Variants in CFAP43 observed in about 807,000 individuals in gnomAD.
The protein encoded by CFAP43 is cilia- and flagella-associated protein 43.
CFAP43 carries 155 observed loss-of-function variants against 218.9 expected under a neutral mutation model. That is an observed-to-expected ratio of 0.71 (90% CI 0.62 to 0.81). The LOEUF is 0.81. Among genes scored for constraint, CFAP43 ranks in the 30% least tolerant of loss-of-function variants. CFAP43 has a pLI of 0.00. For missense variants in CFAP43, 1,778 were observed against 1,954.3 expected, an observed-to-expected ratio of 0.91 and a Z score of 1.70; for synonymous variants, 645 against 681.3, an observed-to-expected ratio of 0.95 and a Z score of 0.83.
In CFAP43 at chr10:104,232,104, G is replaced by A. The variant is rs1389956740; in HGVS notation, c.65+78C>T. 3.3e-6 allele frequency: 5 copies of A among 1,502,136 alleles called. No individual in the cohort carries two copies. The East Asian group carries it at 7.4e-5, about 22-fold the overall frequency. The allele number at this position is 1,502,136 out of a possible 1,614,324, so 93.1% of individuals were successfully genotyped here. On this transcript the variant is annotated intron_variant, in intron 1 of 37. Coordinates refer to ENST00000357060, the MANE Select transcript of CFAP43 (RefSeq NM_025145.7). ...GGGAAAGCCGCCCTAAGGAACCGGAGGGAGAGGAGGGAGGAGGGGACTTGG... is the reference window on the plus strand; with the variant it reads ...GGGAAAGCCGCCCTAAGGAACCGGAAGGAGAGGAGGGAGGAGGGGACTTGG...
rs774530713 is a variant in CFAP43 at position 104,164,176 on chromosome 10, A to G, written c.3164T>C (p.Leu1055Pro). ...NVRIREIILD[L>P]ELEEAVWQPE... Reference sequence around the variant, plus strand: ...TTGCCAGACTGCTTCTTCCAATTCCAGATCTAAAATAATTTCTCGAATTCG... The same window carrying G: ...TTGCCAGACTGCTTCTTCCAATTCCGGATCTAAAATAATTTCTCGAATTCG... Residue 1055 changes from leucine (L) to proline (P), a missense_variant, in exon 24 of 38, where the codon CTG becomes CCG. This residue lies in a region of CFAP43 where 1,553 missense variants were observed against 1,685.2 expected (regional missense o/e 0.92). Coordinates refer to ENST00000357060, the MANE Select transcript of CFAP43 (RefSeq NM_025145.7). The G allele has an allele frequency of 6.2e-7, 1 of 1,614,170 alleles. No individual in the cohort carries two copies. Among genetic ancestry groups the G allele is most frequent in the Admixed American group, 1.7e-5 (1 of 60,030 alleles).
intron 2 of CFAP43, among the ~76,000 whole-genome samples, chr10:104,229,695 C>T (rs1489673600): frequency 6.6e-6 from 1 of 151,934 alleles, no homozygotes; most frequent in African/African-American, 2.4e-5. Flanking sequence ...ACTAATAATT[C>T]AAATGGTAGG....
At chr10:104,187,221 C>T (rs2090058887) in intron 14 of CFAP43, 99 bp downstream of exon 14, 1 of 939,706 alleles carries the variant, frequency 1.1e-6, no homozygotes, top group African/African-American at 1.7e-5. Context: ...GTTAACTGAA[C>T]TATTCTGTTA....
chr10:104,173,283 A>G (rs1243061969), intron 19 of CFAP43, among the ~76,000 whole-genome samples: 1 of 152,204 alleles, frequency 6.6e-6, no homozygotes, highest in Admixed American at 6.5e-5. Context: ...CATTACTACA[A>G]TGAAGAGGAA....
chr10:104,167,460 T>TC (rs2089213631), intron 22 of CFAP43, 161 bp downstream of exon 22: 1 of 470,850 alleles, frequency 2.1e-6, no homozygotes, highest in Non-Finnish European at 3.6e-6. Context: ...GGATATAGGC[T>TC]CCTATAGTTA....
intron 7 of CFAP43, 139 bp downstream of exon 7, chr10:104,205,824 G>C (rs556373087): frequency 2.8e-6 from 2 of 720,370 alleles, no homozygotes; most frequent in South Asian, 3.4e-5. Context: ...CTTTTTAATA[G>C]TACCCAAAGA....
chr10:104,201,028 C>A (rs2090521634), intron 8 of CFAP43, among the ~76,000 whole-genome samples: 1 of 152,168 alleles, frequency 6.6e-6, no homozygotes, highest in Non-Finnish European at 1.5e-5. Context: ...GTTGAGAATA[C>A]ATTGTTTATT....
At chr10:104,136,359 T>A (rs1269574187) in intron 34 of CFAP43, among the ~76,000 whole-genome samples, 7 of 149,352 alleles carry the variant, frequency 4.7e-5, no homozygotes, top group Non-Finnish European at 1.5e-5. Context: ...CTTATTTTAT[T>A]TTATTTTATT....
chr10:104,162,188 GGAGGCCAACT>G (rs2088911097), intron 25 of CFAP43, 119 bp downstream of exon 25: 1 of 1,214,108 alleles, frequency 8.2e-7, no homozygotes, highest in Non-Finnish European at 1.2e-6. Flanking sequence ...GAAGGGGAAA[GGAGGCCAACT>G]GAGATTCAAG....
intron 12 of CFAP43, among the ~76,000 whole-genome samples, chr10:104,191,502 T>G (rs2090213246): frequency 6.6e-6 from 1 of 152,082 alleles, no homozygotes; most frequent in Admixed American, 6.6e-5. Context: ...CACCTTCACC[T>G]CCACTCCTCT....
intron 34 of CFAP43, 23 bp downstream of exon 34, chr10:104,140,819 A>G: frequency 6.4e-7 from 1 of 1,557,688 alleles, no homozygotes. Context: ...TTGAATTAAA[A>G]TAAAAATAAA....
intron 28 of CFAP43, 60 bp from the exon 29 acceptor site, chr10:104,148,058 T>C: frequency 8.9e-7 from 1 of 1,120,966 alleles, no homozygotes; most frequent in Non-Finnish European, 1.2e-6. Flanking sequence ...CAATATTTTC[T>C]ATAGACTTGG....
intron 32 of CFAP43, among the ~76,000 whole-genome samples, chr10:104,142,746 G>GGTA (rs1478010663): frequency 6.6e-6 from 1 of 152,022 alleles, no homozygotes; most frequent in African/African-American, 2.4e-5. Context: ...GGGAATTTGG[G>GGTA]GTAGTGGTCA....
intron 9 of CFAP43, 42 bp downstream of exon 9, chr10:104,197,880 C>T (rs748527190): frequency 1.7e-5 from 23 of 1,319,734 alleles, no homozygotes; most frequent in Middle Eastern, 1.9e-4. Context: ...GCAACATCAT[C>T]GTATCTTTAG....
At chr10:104,216,329 ACT>A (rs1275843635) in intron 3 of CFAP43, among the ~76,000 whole-genome samples, 5 of 151,716 alleles carry the variant, frequency 3.3e-5, no homozygotes, top group African/African-American at 1.2e-4. Context: ...TCACTCTTAG[ACT>A]CTCTGTCACA....
At chr10:104,188,102 G>C (rs1410847191) in intron 13 of CFAP43, among the ~76,000 whole-genome samples, 168 bp downstream of exon 13, 1 of 152,182 alleles carries the variant, frequency 6.6e-6, no homozygotes, top group African/African-American at 2.4e-5. Flanking sequence ...CAGAGGAAAA[G>C]TCCACACTTC....
intron 20 of CFAP43, among the ~76,000 whole-genome samples, chr10:104,171,568 T>C (rs1335490499): frequency 1.3e-5 from 2 of 152,228 alleles, no homozygotes; most frequent in Non-Finnish European, 2.9e-5. Flanking sequence ...TAACTGTCCT[T>C]GAATCCAGCT....
chr10:104,146,190 C>T (rs1241070870), intron 30 of CFAP43, 73 bp downstream of exon 30: 8 of 1,214,804 alleles, frequency 6.6e-6, no homozygotes, highest in Admixed American at 1.7e-5. Flanking sequence ...TATTATATCC[C>T]CTTTAACCTT....
At chr10:104,197,705 G>A (rs2090418082) in intron 9 of CFAP43, among the ~76,000 whole-genome samples, 1 of 152,196 alleles carries the variant, frequency 6.6e-6, no homozygotes, top group Non-Finnish European at 1.5e-5. Context: ...ATATTATGAA[G>A]TCACAATATG....
Sources: gnomAD v4.1 joint callset for allele counts (sites outside exome capture counted in the v4.1 genomes callset) on GRCh38, gnomAD v4.1.1 for gene constraint, gnomAD v4.1.1 regional missense constraint, MANE v1.5 for transcripts, NCBI Gene and HGNC (gene_info 2026-07-23, HGNC 2026-07-21) for gene names.